CUL2: variants seen among roughly 807,000 people sequenced by gnomAD.
The protein encoded by CUL2 is cullin-2.
A neutral mutation model predicts 110.2 loss-of-function variants in CUL2; 22 were observed. The ratio of observed to expected loss-of-function variants is 0.20; its 90% CI spans 0.14 to 0.28. The LOEUF is 0.28. Among genes scored for constraint, CUL2 ranks in the 10% least tolerant of loss-of-function variants. The probability of loss-of-function intolerance (pLI) is 1.00; values close to 1 mark genes in which losing one functional copy is unlikely to be tolerated. For synonymous variants in CUL2, 279 were observed against 293.2 expected, an observed-to-expected ratio of 0.95 and a Z score of 0.49; for missense variants, 631 against 905.5, an observed-to-expected ratio of 0.70 and a Z score of 3.89.
In CUL2 at chr10:35,011,903, A is replaced by G. The variant is rs141060026; in HGVS notation, c.2051T>C (p.Ile684Thr). The G allele has an allele frequency of 8.1e-6, 13 of 1,613,918 alleles. 1 individual carries two copies. Among genetic ancestry groups the G allele is most frequent in the Non-Finnish European group, 2.5e-6 (3 of 1,179,918 alleles). Residue 684 changes from isoleucine to threonine, a missense_variant, in exon 20 of 21, where the codon ATA becomes ACA. Coordinates refer to ENST00000374749, the MANE Select transcript of CUL2 (RefSeq NM_003591.4). ...EDRKMYLQAA[I>T]VRIMKARKVL... The stretch of plus-strand genomic sequence containing the variant: ...TTTTCGTGCTTTCATGATACGAACT[A>G]TAGCAGCTTGGAGATACATTTTCCG...
intron 8 of CUL2, among the ~76,000 whole-genome samples, chr10:35,041,697 T>G (rs1001766137): frequency 3.3e-5 from 5 of 152,078 alleles, no homozygotes; most frequent in African/African-American, 1.2e-4. Context: ...CCACCATGTG[T>G]GGCTAGTTTT....
chr10:35,107,449 T>C (rs2087473768), intron 1 of CUL2, among the ~76,000 whole-genome samples: 3 of 152,168 alleles, frequency 2.0e-5, no homozygotes, highest in Non-Finnish European at 2.9e-5. Context: ...AAAAGATAAA[T>C]GCCTAAGTGT....
intron 10 of CUL2, among the ~76,000 whole-genome samples, chr10:35,034,728 A>G (rs888854485): frequency 1.3e-5 from 2 of 152,202 alleles, no homozygotes; most frequent in South Asian, 2.1e-4. Context: ...GGCAGCAAGC[A>G]TATACTTACA....
In CUL2 at chr10:35,009,207, A is replaced by ATATATATATATATATATT. The variant is rs2084836740; in HGVS notation, c.*1103_*1104insAATATATATATATATATA. On this transcript the variant is annotated 3_prime_UTR_variant, in exon 21 of 21. Transcript: ENST00000374749. ...AGATATATATATATATATATTATAT[A>ATATATATATATATATATT]TATATATATATATAAAATAAACAAA... is the stretch of plus-strand genomic sequence containing the variant. The ATATATATATATATATATT allele has an allele frequency of 6.9e-6, 1 of 145,346 alleles. No individual in the cohort carries two copies. The highest frequency in any genetic ancestry group is 1.5e-5 in the Non-Finnish European group (1 of 66,446). The allele number at this position is 145,346 out of a possible 1,614,324, so 9.0% of individuals were successfully genotyped here. A position where few individuals can be genotyped will look rare whatever the true frequency, so the allele number is the denominator to read the frequency against.
chr10:35,080,311 C>T lies in CUL2; in HGVS notation c.-22-8972G>A, dbSNP rs1004385218. Among the ~76,000 whole-genome samples, 52 of 152,174 alleles carry T rather than the reference C, an allele frequency of 3.4e-4. No homozygotes were observed. The East Asian group carries it at 9.7e-3, about 28-fold the overall frequency. On this transcript the variant is annotated intron_variant, in intron 1 of 20. Transcript: ENST00000374749. Reference sequence around the variant, plus strand: ...AAGCCACTGGATGTAACTAAGAATGCCCTTTCTTATTTGGAGGTTAAGGGT... The same window carrying T: ...AAGCCACTGGATGTAACTAAGAATGTCCTTTCTTATTTGGAGGTTAAGGGT...
intron 17 of CUL2, among the ~76,000 whole-genome samples, chr10:35,021,568 A>C (rs12761884): frequency 0.11 from 16,215 of 151,204 alleles, 1,146 homozygotes; most frequent in Non-Finnish European, 0.16. Context: ...TTAAATAAAA[A>C]CCCATTTCAT....
At chr10:35,112,111 T>C (rs2087530842) in intron 1 of CUL2, among the ~76,000 whole-genome samples, 1 of 152,234 alleles carries the variant, frequency 6.6e-6, no homozygotes, top group Non-Finnish European at 1.5e-5. Flanking sequence ...TCTTAGAGGT[T>C]CTTCAAAGTA....
chr10:35,022,622 A>G (rs2085230940), intron 17 of CUL2, among the ~76,000 whole-genome samples: 1 of 152,366 alleles, frequency 6.6e-6, no homozygotes, highest in African/African-American at 2.4e-5. Flanking sequence ...TGTTAAATGA[A>G]TAAATGGAGA....
chr10:35,044,918 G>T, intron 6 of CUL2, 50 bp from the exon 7 acceptor site: 1 of 1,412,304 alleles, frequency 7.1e-7, no homozygotes, highest in South Asian at 1.2e-5. Flanking sequence ...AATTATCTAT[G>T]GAAATATACC....
rs184135426 is a variant in CUL2 at position 35,038,056 on chromosome 10, G to A, written c.877+864C>T. Among the ~76,000 whole-genome samples, 426 of 152,124 alleles carry A rather than the reference G, an allele frequency of 2.8e-3. 1 individual carries two copies. Among genetic ancestry groups the A allele is most frequent in the African/African-American group, 1.0e-2 (415 of 41,510 alleles). Reference sequence around the variant, plus strand: ...CAATCCCAGCTACTTGGGAGGCTGAGGCAGAATTGCTTGAACCTGGGAGGC... The same window carrying A: ...CAATCCCAGCTACTTGGGAGGCTGAAGCAGAATTGCTTGAACCTGGGAGGC... On this transcript the variant is annotated intron_variant, in intron 9 of 20. Transcript: ENST00000374749.
intron 4 of CUL2, among the ~76,000 whole-genome samples, chr10:35,057,285 A>T (rs2086261330): frequency 6.6e-6 from 1 of 152,048 alleles, no homozygotes; most frequent in Non-Finnish European, 1.5e-5. Flanking sequence ...TAAAATTTAA[A>T]CTAACTTACA....
intron 17 of CUL2, among the ~76,000 whole-genome samples, chr10:35,021,466 C>T (rs2085182428): frequency 7.1e-6 from 1 of 140,150 alleles, no homozygotes; most frequent in African/African-American, 3.3e-5. Flanking sequence ...TACATACACA[C>T]ACACAAATAT....
chr10:35,057,820 G>C (rs11010081), intron 4 of CUL2, among the ~76,000 whole-genome samples: 4,545 of 151,314 alleles, frequency 0.03, 222 homozygotes, highest in African/African-American at 0.11. Context: ...TGGGCTGGAC[G>C]CAGTGGCTCA....
intron 1 of CUL2, among the ~76,000 whole-genome samples, chr10:35,075,922 T>C (rs1564741951): frequency 6.6e-6 from 1 of 152,040 alleles, no homozygotes; most frequent in Non-Finnish European, 1.5e-5. Context: ...CTCCGAAGTA[T>C]AAAGAGAAAT....
intron 5 of CUL2, among the ~76,000 whole-genome samples, chr10:35,053,955 C>A (rs188817373): frequency 6.6e-6 from 1 of 152,270 alleles, no homozygotes; most frequent in Admixed American, 6.5e-5. Flanking sequence ...CTTTCACAAT[C>A]AGCATAATTT....
At chr10:35,033,651 T>C (rs1289816298) in intron 10 of CUL2, among the ~76,000 whole-genome samples, 3 of 151,676 alleles carry the variant, frequency 2.0e-5, no homozygotes, top group Non-Finnish European at 4.4e-5. Context: ...GCAGGGGAAC[T>C]GCTGGAACCA....
intron 8 of CUL2, among the ~76,000 whole-genome samples, chr10:35,043,507 G>A (rs2085849045): frequency 6.6e-6 from 1 of 152,182 alleles, no homozygotes; most frequent in Non-Finnish European, 1.5e-5. Flanking sequence ...AAGCACGGAT[G>A]CTTTGTGACT....
chr10:35,028,501 G>A (rs2085388265), intron 16 of CUL2, among the ~76,000 whole-genome samples: 1 of 152,188 alleles, frequency 6.6e-6, no homozygotes, highest in African/African-American at 2.4e-5. Context: ...TTTAGGTGTT[G>A]AATTCTAAGC....
At chr10:35,118,082 A>C (rs2087630920) in intron 1 of CUL2, 1 of 152,192 alleles carries the variant, frequency 6.6e-6, no homozygotes, top group South Asian at 2.1e-4. Context: ...CTTCATTCTC[A>C]GTGATGTACA....
Sources: gnomAD v4.1 joint callset for allele counts (sites outside exome capture counted in the v4.1 genomes callset) on GRCh38, gnomAD v4.1.1 for gene constraint, MANE v1.5 for transcripts, NCBI Gene and HGNC (gene_info 2026-07-23, HGNC 2026-07-21) for gene names.